PIEZO2: variants seen among roughly 807,000 people sequenced by gnomAD.
The protein encoded by PIEZO2 is piezo type mechanosensitive ion channel component 2, also known as piezo-type mechanosensitive ion channel component 2.
PIEZO2 carries 172 observed loss-of-function variants against 337.3 expected under a neutral mutation model. The observed-to-expected ratio is 0.51, with a 90% CI of 0.45 to 0.58. The LOEUF is 0.58. PIEZO2 is among the 20% of genes least tolerant of loss of function. PIEZO2 has a pLI of 0.00. For missense variants in PIEZO2, 3,028 were observed against 3,391.3 expected, an observed-to-expected ratio of 0.89 and a Z score of 2.66; for synonymous variants, 1,251 against 1,228.5, an observed-to-expected ratio of 1.02 and a Z score of -0.38.
intron 1 of PIEZO2, among the ~76,000 whole-genome samples, chr18:11,138,732 A>G (rs1343113918): frequency 6.6e-6 from 1 of 152,240 alleles, no homozygotes; most frequent in Admixed American, 6.5e-5. Context: ...ACTGAATATT[A>G]ATACAACATT....
intron 4 of PIEZO2, among the ~76,000 whole-genome samples, chr18:10,886,853 G>C (rs1013194770): frequency 2.4e-4 from 36 of 151,992 alleles, no homozygotes; most frequent in African/African-American, 8.2e-4. Flanking sequence ...AGGAATACCT[G>C]AGATTTAATA....
At chr18:10,744,023 T>G in intron 31 of PIEZO2, 119 bp downstream of exon 31, 1 of 640,672 alleles carries the variant, frequency 1.6e-6, no homozygotes, top group Non-Finnish European at 2.6e-6. Context: ...TAGGAAGTTG[T>G]GAAAGTCCAT....
At chr18:11,119,968 A>G (rs1179653710) in intron 1 of PIEZO2, among the ~76,000 whole-genome samples, 1 of 152,242 alleles carries the variant, frequency 6.6e-6, no homozygotes, top group East Asian at 1.9e-4. Context: ...AGCTTTAGAG[A>G]TCAATGTACC....
intron 7 of PIEZO2, among the ~76,000 whole-genome samples, chr18:10,840,027 A>G (rs990074436): frequency 6.6e-5 from 10 of 152,204 alleles, no homozygotes; most frequent in African/African-American, 2.4e-4. Flanking sequence ...TTTGAAGTTA[A>G]TTTCATGAAA....
chr18:10,940,822 AT>A lies in PIEZO2; in HGVS notation c.287-29595del, dbSNP rs1158419799. Among the ~76,000 whole-genome samples the A allele has an allele frequency of 6.6e-5, 10 of 152,028 alleles. No homozygotes were observed. The highest frequency in any genetic ancestry group is 2.4e-4 in the African/African-American group (10 of 41,388). On this transcript the variant is annotated intron_variant, in intron 3 of 55. Coordinates refer to ENST00000674853, the MANE Select transcript of PIEZO2 (RefSeq NM_001378183.1). The surrounding 1 kb of genome is among the most constrained non-coding windows in gnomAD (Gnocchi z 5.3). ...GGTTGCAGTGAGCTGAGATCATGCC[AT>A]TGCACTCCAGCCTGGCTACAGAGCA...
rs1375332136 is a variant in PIEZO2 at position 10,682,415 on chromosome 18, T to G, written c.7498-123A>C. 2 of 858,296 alleles carry G rather than the reference T, an allele frequency of 2.3e-6. No homozygotes were observed. Among genetic ancestry groups the G allele is most frequent in the African/African-American group, 3.4e-5 (2 of 58,490 alleles). 53.2% of individuals were successfully genotyped at this position (858,296 alleles called of 1,614,324 possible). ...GGGAACATGGATTTGGCCCTGAATCTTCTCTGTTCGCTCTGAAATGGGGAT... is the reference window on the plus strand; with the variant it reads ...GGGAACATGGATTTGGCCCTGAATCGTCTCTGTTCGCTCTGAAATGGGGAT... On this transcript the variant is annotated intron_variant, in intron 49 of 55. Transcript: ENST00000674853. The surrounding 1 kb of genome is among the most constrained non-coding windows in gnomAD (Gnocchi z 5.6).
At position 10,847,483 on chromosome 18, in the gene PIEZO2, G is replaced by A. The variant is rs1488707463; in HGVS notation, c.917+7870C>T. Among the ~76,000 whole-genome samples the A allele has an allele frequency of 6.6e-6, 1 of 152,206 alleles. No individual in the cohort carries two copies. The highest frequency in any genetic ancestry group is 1.5e-5 in the Non-Finnish European group (1 of 68,034). ...GGTCACTGGGCTGGATAAACACGCA[G>A]TGCAAAGGCCCGTGGGCTCGGCGAG... On this transcript the variant is annotated intron_variant, in intron 7 of 55. Coordinates refer to ENST00000674853, the MANE Select transcript of PIEZO2 (RefSeq NM_001378183.1). This position sits in a 1 kb window ranked among gnomAD's most constrained non-coding sequence, Gnocchi z 5.7.
intron 7 of PIEZO2, among the ~76,000 whole-genome samples, chr18:10,848,106 CA>C (rs1358976842): frequency 6.6e-6 from 1 of 152,168 alleles, no homozygotes; most frequent in Non-Finnish European, 1.5e-5. Flanking sequence ...TGATGGGGTG[CA>C]AAAGTACATT....
intron 27 of PIEZO2, among the ~76,000 whole-genome samples, chr18:10,756,855 T>G (rs2037881346): frequency 7.6e-6 from 1 of 131,516 alleles, no homozygotes; most frequent in Admixed American, 7.7e-5. Context: ...GGATGAAGGA[T>G]GAGAATGAGG....
rs1460546741 is a variant in PIEZO2 at position 11,110,244 on chromosome 18, A to G, written c.64+38281T>C. Among the ~76,000 whole-genome samples the G allele has an allele frequency of 6.6e-6, 1 of 152,206 alleles. No homozygotes were observed. Among genetic ancestry groups the G allele is most frequent in the Non-Finnish European group, 1.5e-5 (1 of 68,036 alleles). On this transcript the variant is annotated intron_variant, in intron 1 of 55. Transcript: ENST00000674853. The surrounding 1 kb of genome is among the most constrained non-coding windows in gnomAD (Gnocchi z 4.2). ...GCCATCCTTCCACCTCAGCGTCCCA[A>G]AGTGCTGGGACTACAGGTGCAAGCC...
intron 47 of PIEZO2, among the ~76,000 whole-genome samples, chr18:10,692,339 A>G (rs1354618282): frequency 1.3e-5 from 2 of 152,210 alleles, no homozygotes; most frequent in Non-Finnish European, 2.9e-5. Context: ...TGACTTGGTA[A>G]GAGTTTGGTA....
At chr18:10,822,713 C>T (rs1034410121) in intron 7 of PIEZO2, among the ~76,000 whole-genome samples, 1 of 152,168 alleles carries the variant, frequency 6.6e-6, no homozygotes, top group Non-Finnish European at 1.5e-5. Context: ...TAGATGTTAT[C>T]AATGCTTCTC....
chr18:10,834,906 T>C lies in PIEZO2; in HGVS notation c.917+20447A>G, dbSNP rs2040958970. Among the ~76,000 whole-genome samples the C allele has an allele frequency of 6.6e-6, 1 of 152,328 alleles. No individual in the cohort carries two copies. Among genetic ancestry groups the C allele is most frequent in the African/African-American group, 2.4e-5 (1 of 41,570 alleles). On this transcript the variant is annotated intron_variant, in intron 7 of 55. Coordinates refer to ENST00000674853, the MANE Select transcript of PIEZO2 (RefSeq NM_001378183.1). The surrounding 1 kb of genome is among the most constrained non-coding windows in gnomAD (Gnocchi z 4.5). ...ATCATAAGCTTTTGTTTTGTTTGTG[T>C]CCTCCAAAATTCTTAGGTTGAAGCC...
At chr18:10,900,568 T>C (rs2043020578) in intron 4 of PIEZO2, among the ~76,000 whole-genome samples, 1 of 152,244 alleles carries the variant, frequency 6.6e-6, no homozygotes, top group Non-Finnish European at 1.5e-5. Flanking sequence ...CAGTCAGTAC[T>C]TCACCCAGAT....
At position 11,128,685 on chromosome 18, in the gene PIEZO2, C is replaced by T. The variant is rs901377290; in HGVS notation, c.64+19840G>A. Among the ~76,000 whole-genome samples, 3 of 152,148 alleles carry T rather than the reference C, an allele frequency of 2.0e-5. No homozygotes were observed. The highest frequency in any genetic ancestry group is 4.4e-5 in the Non-Finnish European group (3 of 68,036). ...TTCTAGGCAAGATAATGTTGATTCT[C>T]CTCAGAAGCCTCCCCCAACACCTCT... On this transcript the variant is annotated intron_variant, in intron 1 of 55. Coordinates refer to ENST00000674853, the MANE Select transcript of PIEZO2 (RefSeq NM_001378183.1). The surrounding 1 kb of genome is among the most constrained non-coding windows in gnomAD (Gnocchi z 4.1).
chr18:10,934,824 C>T (rs971681686), intron 3 of PIEZO2, among the ~76,000 whole-genome samples: 1 of 152,152 alleles, frequency 6.6e-6, no homozygotes. Flanking sequence ...TGTAACTTAC[C>T]ATGCGGCAGA....
chr18:11,095,521 G>C (rs1023166422), intron 1 of PIEZO2, among the ~76,000 whole-genome samples: 3 of 152,196 alleles, frequency 2.0e-5, no homozygotes, highest in Admixed American at 2.0e-4. Context: ...CCACACTTTG[G>C]CTTCACCTCC....
At chr18:10,927,330 T>C (rs2031804908) in intron 3 of PIEZO2, among the ~76,000 whole-genome samples, 1 of 152,150 alleles carries the variant, frequency 6.6e-6, no homozygotes, top group African/African-American at 2.4e-5. Context: ...GCACAGAAAT[T>C]TGAAATGGGT....
intron 27 of PIEZO2, among the ~76,000 whole-genome samples, chr18:10,756,846 G>A (rs143107292): frequency 3.3e-4 from 50 of 149,766 alleles, no homozygotes; most frequent in African/African-American, 1.2e-3. Flanking sequence ...GGGGATTAAG[G>A]ATGAAGGATG....
Sources: allele counts gnomAD v4.1 joint callset (sites outside exome capture counted in the v4.1 genomes callset), GRCh38; gene constraint gnomAD v4.1.1; non-coding constraint Gnocchi (gnomAD v3.1); transcripts MANE v1.5; gene names NCBI Gene and HGNC (gene_info 2026-07-23, HGNC 2026-07-21).